SGCD: variants seen among roughly 807,000 people sequenced by gnomAD.
The protein encoded by SGCD is delta-sarcoglycan.
SGCD carries 18 observed loss-of-function variants against 36.6 expected under a neutral mutation model. The ratio of observed to expected loss-of-function variants is 0.49; its 90% CI spans 0.34 to 0.73. SGCD has a LOEUF of 0.73. Among genes scored for constraint, SGCD ranks in the 30% least tolerant of loss-of-function variants. SGCD has a pLI of 0.01. For synonymous variants in SGCD, 133 were observed against 130.6 expected (o/e 1.02, Z -0.12); for missense variants, 387 against 346.7 (o/e 1.12, Z -0.92).
At chr5:156,183,033 A>T (rs1763646869) in intron 3 of SGCD, among the ~76,000 whole-genome samples, 1 of 152,040 alleles carries the variant, frequency 6.6e-6, no homozygotes, top group Non-Finnish European at 1.5e-5. Context: ...TAATCCTAGC[A>T]CATTGGGAGG....
intron 3 of SGCD, among the ~76,000 whole-genome samples, chr5:156,293,311 C>T (rs1476262938): frequency 6.6e-6 from 1 of 152,072 alleles, no homozygotes; most frequent in Non-Finnish European, 1.5e-5. Flanking sequence ...CTTAAAGTTA[C>T]ATTTGTCTGC....
the SGCD span, among the ~76,000 whole-genome samples, chr5:155,776,481 G>A: frequency 6.6e-6 from 1 of 152,124 alleles, no homozygotes; most frequent in African/African-American, 2.4e-5. Flanking sequence ...GGATAAATAT[G>A]GTTATTTTCA....
chr5:156,393,497 C>G (rs1771689664), intron 3 of SGCD, among the ~76,000 whole-genome samples: 1 of 152,204 alleles, frequency 6.6e-6, no homozygotes, highest in Non-Finnish European at 1.5e-5. Flanking sequence ...ACATTTATGG[C>G]TGTTGATGCT....
chr5:156,241,251 C>CGTGTGTGTGTGTGTGTGT (rs60843726), intron 3 of SGCD, among the ~76,000 whole-genome samples: 6 of 145,180 alleles, frequency 4.1e-5, no homozygotes, highest in African/African-American at 1.0e-4. Context: ...TAGACCAAAA[C>CGTGTGTGTGTGTGTGTGT]GTGTGTGTGT....
chr5:156,229,286 A>ATATATATATATATATATATATATATATG lies in SGCD; in HGVS notation c.-43-100234_-43-100233insTATATATATATATGTATATATATATATA, dbSNP rs1229174444. 1.2e-4 allele frequency among the ~76,000 whole-genome samples: 13 copies of ATATATATATATATATATATATATATATG among 110,414 alleles called. 1 individual carries two copies. The highest frequency in any genetic ancestry group is 2.1e-4 in the Non-Finnish European group (12 of 57,192). 72.4% of individuals were successfully genotyped at this position (110,414 alleles called of 152,430 possible). On this transcript the variant is annotated intron_variant, in intron 3 of 9. Coordinates refer to the SGCD transcript ENST00000517913. Reference sequence around the variant, plus strand: ...CATATATATATACATACATATATATATATATATATATATAAAATTAGTTCT... The same window carrying ATATATATATATATATATATATATATATG: ...CATATATATATACATACATATATATATATATATATATATATATATATATATATGTATATATATATATAAAATTAGTTCT...
At chr5:156,137,222 A>T (rs1302463534) in intron 3 of SGCD, among the ~76,000 whole-genome samples, 1 of 152,238 alleles carries the variant, frequency 6.6e-6, no homozygotes, top group Admixed American at 6.5e-5. Flanking sequence ...CCTTTGAGGC[A>T]TCCCAAGCCT....
intron 1 of SGCD, among the ~76,000 whole-genome samples, chr5:156,004,883 G>C (rs1758727328): frequency 6.6e-6 from 1 of 152,172 alleles, no homozygotes; most frequent in Non-Finnish European, 1.5e-5. Flanking sequence ...GAGTGCACGG[G>C]GCTGGGAGGG....
chr5:156,735,077 G>A (rs1756281752), intron 7 of SGCD, among the ~76,000 whole-genome samples: 2 of 152,126 alleles, frequency 1.3e-5, no homozygotes. Context: ...GCAGTTTGCT[G>A]GGGATCCACT....
chr5:156,546,243 G>T (rs2113173601), intron 4 of SGCD, among the ~76,000 whole-genome samples: 1 of 152,244 alleles, frequency 6.6e-6, no homozygotes, highest in South Asian at 2.1e-4. Context: ...AGGATTAGAT[G>T]GTATCATTCT....
chr5:156,609,586 T>G (rs1761674398), intron 6 of SGCD, among the ~76,000 whole-genome samples: 1 of 152,244 alleles, frequency 6.6e-6, no homozygotes, highest in African/African-American at 2.4e-5. Context: ...ATTTGAATGT[T>G]GGCCTGCCTT....
chr5:156,626,615 C>T (rs1388466632), intron 6 of SGCD, among the ~76,000 whole-genome samples: 2 of 152,104 alleles, frequency 1.3e-5, no homozygotes, highest in Non-Finnish European at 1.5e-5. Context: ...TAACTTTTGC[C>T]TTTCATATAG....
intron 3 of SGCD, among the ~76,000 whole-genome samples, chr5:156,488,537 C>T (rs1423379937): frequency 1.3e-5 from 2 of 151,892 alleles, no homozygotes; most frequent in East Asian, 3.9e-4. Context: ...AAACTGCAGC[C>T]AAGAATACTC....
the SGCD span, among the ~76,000 whole-genome samples, chr5:155,865,250 T>C: frequency 1.3e-3 from 199 of 148,674 alleles, no homozygotes; most frequent in African/African-American, 4.3e-3. Context: ...GTATATTTTA[T>C]AAAAATACTA....
At chr5:155,775,059 T>G in the SGCD span, among the ~76,000 whole-genome samples, 6 of 152,166 alleles carry the variant, frequency 3.9e-5, no homozygotes, top group African/African-American at 1.4e-4. Flanking sequence ...TGATCTAAAT[T>G]TAATATCATT....
the SGCD span, among the ~76,000 whole-genome samples, chr5:155,796,532 G>C: frequency 6.6e-6 from 1 of 151,568 alleles, no homozygotes; most frequent in Non-Finnish European, 1.5e-5. Context: ...GGCCGGGCGC[G>C]GTGGCTCATG....
At chr5:155,967,414 A>G (rs1367680843) in intron 1 of SGCD, among the ~76,000 whole-genome samples, 3 of 152,030 alleles carry the variant, frequency 2.0e-5, no homozygotes, top group Non-Finnish European at 4.4e-5. Flanking sequence ...AAATTGCTCC[A>G]TTATTGCATG....
chr5:156,335,375 T>A (rs1242573731), intron 2 of SGCD, among the ~76,000 whole-genome samples: 1 of 152,224 alleles, frequency 6.6e-6, no homozygotes, highest in Non-Finnish European at 1.5e-5. Context: ...CAATCTGGTT[T>A]CTCAGGACTT....
chr5:155,966,569 C>A (rs13174879), intron 1 of SGCD, among the ~76,000 whole-genome samples: 33,794 of 152,096 alleles, frequency 0.22, 4,632 homozygotes, highest in South Asian at 0.37. Context: ...TGCACAAGGT[C>A]TGAATCACCT....
chr5:156,258,197 A>G (rs1765763274), intron 3 of SGCD, among the ~76,000 whole-genome samples: 1 of 152,212 alleles, frequency 6.6e-6, no homozygotes, highest in South Asian at 2.1e-4. Flanking sequence ...TGTATTGGCC[A>G]CCAAGAGATT....
Sources: allele counts gnomAD v4.1 joint callset (sites outside exome capture counted in the v4.1 genomes callset), GRCh38; gene constraint gnomAD v4.1.1; transcripts MANE v1.5; gene names NCBI Gene and HGNC (gene_info 2026-07-23, HGNC 2026-07-21).